IL1RAPL1: variants seen among roughly 807,000 people sequenced by gnomAD.
The protein encoded by IL1RAPL1 is interleukin-1 receptor accessory protein-like 1.
A neutral mutation model predicts 48.4 loss-of-function variants in IL1RAPL1; 3 were observed. The ratio of observed to expected loss-of-function variants is 0.06; its 90% CI spans 0.03 to 0.16. The LOEUF (loss-of-function observed/expected upper bound fraction) is 0.16. IL1RAPL1 is among the 10% of genes least tolerant of loss of function. The pLI, the probability that IL1RAPL1 is intolerant of heterozygous loss-of-function variation, is 1.00. For missense variants in IL1RAPL1, 349 were observed against 530.6 expected (o/e 0.66, Z 3.36); for synonymous variants, 185 against 187.7 (o/e 0.99, Z 0.12).
intron 4 of IL1RAPL1, 148 bp downstream of exon 4, chrX:29,396,592 T>C (rs1602213565): frequency 1.9e-6 from 1 of 529,248 alleles, no homozygotes; most frequent in South Asian, 2.8e-5. Context: ...GGTCATTATA[T>C]GTTTTTTAAC....
intron 6 of IL1RAPL1, among the ~76,000 whole-genome samples, chrX:29,714,015 AG>A (rs1471947607): frequency 8.9e-6 from 1 of 111,817 alleles, no homozygotes; most frequent in Non-Finnish European, 1.9e-5. Flanking sequence ...GTAATGTTCC[AG>A]AAAAGTAATT....
intron 5 of IL1RAPL1, among the ~76,000 whole-genome samples, chrX:29,542,467 A>G (rs773201363): frequency 1.8e-5 from 2 of 112,135 alleles, no homozygotes; most frequent in South Asian, 3.7e-4. Context: ...TAATAACCTT[A>G]TACTTGGACC....
chrX:29,383,760 A>T (rs1312776339), intron 3 of IL1RAPL1, among the ~76,000 whole-genome samples: 2 of 111,981 alleles, frequency 1.8e-5, no homozygotes, highest in Non-Finnish European at 3.8e-5. Flanking sequence ...ATATAAAGGA[A>T]TGGAAAGGAA....
chrX:29,496,908 G>T (rs1443444719), intron 5 of IL1RAPL1, among the ~76,000 whole-genome samples: 1 of 111,998 alleles, frequency 8.9e-6, no homozygotes, highest in Non-Finnish European at 1.9e-5. Context: ...ACTTCTCAGT[G>T]ATTGGAAATG....
intron 2 of IL1RAPL1, among the ~76,000 whole-genome samples, chrX:29,068,802 C>G (rs774754903): frequency 8.9e-6 from 1 of 111,774 alleles, no homozygotes; most frequent in Non-Finnish European, 1.9e-5. Flanking sequence ...ATTCTTTAGG[C>G]AAAGGCAAGC....
rs147852148 is a variant in IL1RAPL1 at position 28,680,168 on chromosome X, C to G, written c.-25+92121C>G. On this transcript the variant is annotated intron_variant, in intron 1 of 10. Coordinates refer to ENST00000378993, the MANE Select transcript of IL1RAPL1 (RefSeq NM_014271.4). The stretch of plus-strand genomic sequence containing the variant: ...TGTTTTAAATTTTCAGTGGAAAAAT[C>G]TTTCATATTTTTAGCTAAATTTATT... 1.7e-3 allele frequency among the ~76,000 whole-genome samples: 188 copies of G among 111,040 alleles called. 2 individuals are homozygous for G. The East Asian group carries it at 0.02, about 12-fold the overall frequency.
intron 1 of IL1RAPL1, among the ~76,000 whole-genome samples, chrX:28,681,788 ATTTG>A (rs1195459105): frequency 1.8e-5 from 2 of 112,224 alleles, no homozygotes; most frequent in East Asian, 5.6e-4. Flanking sequence ...AATGTATACA[ATTTG>A]TTTTTGTCGA....
rs377264639 is a variant in IL1RAPL1 at position 29,316,580 on chromosome X, A to T, written c.362+33363A>T. On this transcript the variant is annotated intron_variant, in intron 3 of 10. Coordinates refer to ENST00000378993, the MANE Select transcript of IL1RAPL1 (RefSeq NM_014271.4). ...ATGAAGGCAGGAGTTTTAGGCAAAGACATAAATCAATATATGGAAGGTACA... is the reference window on the plus strand; with the variant it reads ...ATGAAGGCAGGAGTTTTAGGCAAAGTCATAAATCAATATATGGAAGGTACA... Among the ~76,000 whole-genome samples the T allele has an allele frequency of 2.7e-5, 3 of 112,197 alleles. No individual in the cohort carries two copies. In the East Asian group the frequency reaches 8.4e-4, roughly 32 times the overall value.
At chrX:29,230,941 A>C (rs1164653877) in intron 2 of IL1RAPL1, among the ~76,000 whole-genome samples, 1 of 111,653 alleles carries the variant, frequency 9.0e-6, no homozygotes, top group Non-Finnish European at 1.9e-5. Context: ...GCAAAGCCCC[A>C]GGGACATTTT....
At chrX:29,110,187 C>G (rs1359248092) in intron 2 of IL1RAPL1, among the ~76,000 whole-genome samples, 1 of 111,980 alleles carries the variant, frequency 8.9e-6, no homozygotes, top group Non-Finnish European at 1.9e-5. Flanking sequence ...CCCATGTTCT[C>G]CTTTATATCA....
intron 1 of IL1RAPL1, among the ~76,000 whole-genome samples, chrX:28,624,725 A>G (rs966795213): frequency 2.7e-5 from 3 of 112,098 alleles, no homozygotes; most frequent in African/African-American, 9.7e-5. Flanking sequence ...GGCACAGAGT[A>G]TCAAACTATG....
At chrX:29,030,436 C>G (rs1416022163) in intron 2 of IL1RAPL1, among the ~76,000 whole-genome samples, 1 of 111,339 alleles carries the variant, frequency 9.0e-6, no homozygotes, top group Non-Finnish European at 1.9e-5. Context: ...CTGAACCTGA[C>G]TAATGGGTAC....
chrX:29,381,833 A>AAAAATATAT (rs1365599735), intron 3 of IL1RAPL1, among the ~76,000 whole-genome samples: 1 of 25,384 alleles, frequency 3.9e-5, no homozygotes, highest in Non-Finnish European at 8.0e-5. Context: ...AAAAAAAAAA[A>AAAAATATAT]ATATATATAT....
chrX:29,849,495 G>A (rs1601850850), intron 6 of IL1RAPL1, among the ~76,000 whole-genome samples: 1 of 112,090 alleles, frequency 8.9e-6, no homozygotes, highest in East Asian at 2.8e-4. Context: ...GATTAGTGCT[G>A]TAAAGAAAAG....
intron 2 of IL1RAPL1, among the ~76,000 whole-genome samples, chrX:28,962,338 C>T (rs754506051): frequency 1.8e-4 from 20 of 111,861 alleles, no homozygotes; most frequent in African/African-American, 6.1e-4. Flanking sequence ...GCTTAAAATT[C>T]AAACTACCTC....
chrX:28,630,740 G>A, intron 1 of IL1RAPL1, among the ~76,000 whole-genome samples: 1 of 112,494 alleles, frequency 8.9e-6, no homozygotes, highest in Non-Finnish European at 1.9e-5. Context: ...TATAGGAGGT[G>A]TGTTATAAAA....
At chrX:29,547,443 T>C (rs1315129502) in intron 5 of IL1RAPL1, among the ~76,000 whole-genome samples, 4 of 111,206 alleles carry the variant, frequency 3.6e-5, no homozygotes, top group Non-Finnish European at 7.6e-5. Context: ...AAAGAGAGAA[T>C]AACTAATTTT....
At chrX:29,319,160 G>GTCTGCCTGTCTGTCTGTCTATCTA (rs370282992) in intron 3 of IL1RAPL1, among the ~76,000 whole-genome samples, 46 of 84,984 alleles carry the variant, frequency 5.4e-4, no homozygotes, top group African/African-American at 1.8e-3. Flanking sequence ...CTATCTGTCT[G>GTCTGCCTGTCTGTCTGTCTATCTA]TCTATCTATC....
At chrX:28,859,258 TATTG>T (rs908481592) in intron 2 of IL1RAPL1, among the ~76,000 whole-genome samples, 5 of 111,967 alleles carry the variant, frequency 4.5e-5, no homozygotes, top group Non-Finnish European at 7.5e-5. Context: ...AGATCTTAGC[TATTG>T]ATTGATTGAT....
Sources: gnomAD v4.1 joint callset for allele counts (sites outside exome capture counted in the v4.1 genomes callset) on GRCh38, gnomAD v4.1.1 for gene constraint, MANE v1.5 for transcripts, NCBI Gene and HGNC (gene_info 2026-07-23, HGNC 2026-07-21) for gene names.